RABGAP1L: variants seen among roughly 807,000 people sequenced by gnomAD.
RABGAP1L encodes RAB GTPase activating protein 1 like, also known as rab GTPase-activating protein 1-like.
In RABGAP1L, 63 loss-of-function variants were observed where a neutral mutation model predicts 137.7. That is an observed-to-expected ratio of 0.46 (90% CI 0.37 to 0.56). RABGAP1L has a LOEUF of 0.56. Among genes scored for constraint, RABGAP1L ranks in the 20% least tolerant of loss-of-function variants. RABGAP1L has a pLI of 0.00. For missense variants in RABGAP1L, 1,095 were observed against 1,244.0 expected, an observed-to-expected ratio of 0.88 and a Z score of 1.80; for synonymous variants, 431 against 433.7, an observed-to-expected ratio of 0.99 and a Z score of 0.08.
chr1:174,836,373 A>G (rs1692755656), intron 19 of RABGAP1L, among the ~76,000 whole-genome samples: 1 of 152,176 alleles, frequency 6.6e-6, no homozygotes. Context: ...CCAGTAATTC[A>G]TTTCAAAGAT....
At chr1:174,695,239 TG>T (rs922974935) in intron 15 of RABGAP1L, among the ~76,000 whole-genome samples, 2 of 152,138 alleles carry the variant, frequency 1.3e-5, no homozygotes, top group Non-Finnish European at 2.9e-5. Context: ...CAATAATTCA[TG>T]GATTTGCCCT....
At chr1:174,618,889 T>C (rs1201952992) in intron 13 of RABGAP1L, among the ~76,000 whole-genome samples, 2 of 152,094 alleles carry the variant, frequency 1.3e-5, no homozygotes, top group African/African-American at 4.8e-5. Flanking sequence ...TTAAAAACTT[T>C]GAAAAAAATT....
intron 18 of RABGAP1L, among the ~76,000 whole-genome samples, chr1:174,803,574 T>TTA: frequency 6.6e-6 from 1 of 152,062 alleles, no homozygotes; most frequent in Non-Finnish European, 1.5e-5. Context: ...CCATTTAGGA[T>TTA]AAAAATAGTG....
Position 174,384,227 on chromosome 1 carries a change from T to C in RABGAP1L, c.1560-9768T>C, listed in dbSNP as rs151251752. On this transcript the variant is annotated intron_variant, in intron 12 of 25. Transcript: ENST00000681986. ...TATGAAATTCTGGAAAAGTCAAAAC[T>C]ATCATCATAGGAAGCATGTCAGTAG... Among the ~76,000 whole-genome samples, 13 of 152,274 alleles carry C rather than the reference T, an allele frequency of 8.5e-5. No homozygotes were observed. The South Asian group carries it at 2.3e-3, about 27-fold the overall frequency.
At chr1:174,874,087 T>C (rs1652661731) in intron 19 of RABGAP1L, among the ~76,000 whole-genome samples, 2 of 152,188 alleles carry the variant, frequency 1.3e-5, no homozygotes, top group Admixed American at 1.3e-4. Context: ...TGGAATACTC[T>C]TTCAGTGTAA....
At chr1:174,546,726 C>A (rs1666037286) in intron 13 of RABGAP1L, among the ~76,000 whole-genome samples, 1 of 152,194 alleles carries the variant, frequency 6.6e-6, no homozygotes, top group African/African-American at 2.4e-5. Context: ...AAATTGCATC[C>A]TTTGCATTAA....
At chr1:174,547,896 G>T (rs781565003) in intron 13 of RABGAP1L, 1 of 1,548,224 alleles carries the variant, frequency 6.5e-7, no homozygotes, top group South Asian at 1.2e-5. Context: ...AATATGAAGG[G>T]TCTATGAAGG....
At chr1:174,855,865 G>GT (rs1274416502) in intron 19 of RABGAP1L, among the ~76,000 whole-genome samples, 4 of 152,168 alleles carry the variant, frequency 2.6e-5, no homozygotes, top group African/African-American at 9.7e-5. Flanking sequence ...GAGTTCTTGA[G>GT]TTTTTCATTC....
At chr1:174,543,979 G>A (rs1471502654) in intron 13 of RABGAP1L, among the ~76,000 whole-genome samples, 1 of 152,184 alleles carries the variant, frequency 6.6e-6, no homozygotes, top group Admixed American at 6.5e-5. Context: ...TAGTCTGATA[G>A]GCTTCCCTTT....
intron 7 of RABGAP1L, among the ~76,000 whole-genome samples, chr1:174,265,885 G>A (rs1397902014): frequency 6.6e-6 from 1 of 151,726 alleles, no homozygotes; most frequent in Non-Finnish European, 1.5e-5. Flanking sequence ...CAGCTCTATG[G>A]CAGTCCTAAG....
In RABGAP1L at chr1:174,675,155, T is replaced by A. The variant is rs575988497; in HGVS notation, c.1825-8367T>A. 7.2e-5 allele frequency among the ~76,000 whole-genome samples: 11 copies of A among 152,334 alleles called. 1 individual carries two copies. The South Asian group carries it at 2.3e-3, about 32-fold the overall frequency. On this transcript the variant is annotated intron_variant, in intron 14 of 25. Coordinates refer to ENST00000681986, the MANE Select transcript of RABGAP1L (RefSeq NM_001366446.1). ...TGCTTTTGGTGTTTTAGACATGAAG[T>A]CTTTGCCCATGCCTATGACCTGAAT...
At chr1:174,516,881 C>G (rs1003977801) in intron 13 of RABGAP1L, among the ~76,000 whole-genome samples, 3 of 151,058 alleles carry the variant, frequency 2.0e-5, no homozygotes, top group Non-Finnish European at 4.4e-5. Context: ...GAGTTGAGAT[C>G]GTGCCACTGT....
intron 13 of RABGAP1L, among the ~76,000 whole-genome samples, 195 bp from the exon 14 acceptor site, chr1:174,637,180 G>A (rs770178416): frequency 3.3e-5 from 5 of 152,118 alleles, no homozygotes; most frequent in African/African-American, 4.8e-5. Context: ...ATAGATAGAT[G>A]GGTGAAAAGA....
chr1:174,503,656 G>A (rs201933097), intron 13 of RABGAP1L, among the ~76,000 whole-genome samples: 90 of 2,584 alleles, frequency 0.035, no homozygotes, highest in African/African-American at 0.056. Context: ...GCGAGACTCC[G>A]TCAAAAAAAA....
chr1:174,723,048 A>G (rs1465470848), intron 17 of RABGAP1L, among the ~76,000 whole-genome samples: 1 of 151,990 alleles, frequency 6.6e-6, no homozygotes, highest in Non-Finnish European at 1.5e-5. Flanking sequence ...CTCTTGCATT[A>G]TGTTGACCCA....
intron 19 of RABGAP1L, among the ~76,000 whole-genome samples, chr1:174,822,272 A>G (rs1487440707): frequency 6.6e-6 from 1 of 152,202 alleles, no homozygotes; most frequent in African/African-American, 2.4e-5. Context: ...AAACAAACAA[A>G]AAAAATTGAT....
chr1:174,694,664 G>A (rs901791837), intron 15 of RABGAP1L, among the ~76,000 whole-genome samples: 15 of 152,050 alleles, frequency 9.9e-5, no homozygotes, highest in African/African-American at 3.4e-4. Context: ...AAACATACGT[G>A]TGTATGTGTC....
intron 15 of RABGAP1L, among the ~76,000 whole-genome samples, chr1:174,684,896 A>G (rs1314252919): frequency 1.3e-5 from 2 of 152,156 alleles, no homozygotes; most frequent in Non-Finnish European, 2.9e-5. Flanking sequence ...TGGGAGGACC[A>G]CTTGAGCCTG....
At chr1:174,597,753 T>G (rs1670076991) in intron 13 of RABGAP1L, among the ~76,000 whole-genome samples, 1 of 152,212 alleles carries the variant, frequency 6.6e-6, no homozygotes, top group Non-Finnish European at 1.5e-5. Context: ...ATCTTAGTTA[T>G]TTCTTTGTTC....
Sources: allele counts gnomAD v4.1 joint callset (sites outside exome capture counted in the v4.1 genomes callset), GRCh38; gene constraint gnomAD v4.1.1; transcripts MANE v1.5; gene names NCBI Gene and HGNC (gene_info 2026-07-23, HGNC 2026-07-21).